Variants in DOCK9 observed in about 807,000 individuals in gnomAD.
The protein encoded by DOCK9 is dedicator of cytokinesis 9, also known as dedicator of cytokinesis protein 9.
DOCK9 carries 89 observed loss-of-function variants against 263.3 expected under a neutral mutation model. That is an observed-to-expected ratio of 0.34 (90% CI 0.28 to 0.40). DOCK9 has a LOEUF of 0.40. Ranked by LOEUF, DOCK9 falls within the 10% of genes least tolerant of loss-of-function variation. DOCK9 has a pLI of 1.00. For missense variants in DOCK9, 2,140 were observed against 2,603.4 expected (o/e 0.82, Z 3.87); for synonymous variants, 976 against 973.1 (o/e 1.00, Z -0.06).
chr13:98,801,412 T>C (rs10492577), intron 49 of DOCK9, among the ~76,000 whole-genome samples: 5,168 of 152,262 alleles, frequency 0.034, 286 homozygotes, highest in African/African-American at 0.12. Flanking sequence ...AATAAAGGTA[T>C]TTTGAAACTT....
rs748567026 is a variant in DOCK9, at chr13:98,903,085, C to T, written c.1063G>A (p.Glu355Lys). The T allele has an allele frequency of 7.2e-6, 11 of 1,523,678 alleles. 1 individual carries two copies. The South Asian group carries it at 1.4e-4, about 20-fold the overall frequency. The allele number at this position is 1,523,678 out of a possible 1,614,324, so 94.4% of individuals were successfully genotyped here. A position where few individuals can be genotyped will look rare whatever the true frequency, so the allele number is the denominator to read the frequency against. ...AACTTCTCTTCAAATGACTTCACTT[C>T]TGGCTCAGCTGATGAGAAGTCAAGC... ...QKLDFSSAEP[E>K]VKSFEEKFGK... Residue 355 changes from glutamate to lysine, a missense_variant, in exon 11 of 53, where the codon GAA becomes AAA. By Grantham distance (56) the Glu-to-Lys change is moderately conservative (BLOSUM62 1). Around this residue, in one of 2 missense-constraint regions of DOCK9, gnomAD observed 1,521 missense variants for 1,741.7 expected, o/e 0.87. Transcript: ENST00000682017.
At chr13:98,981,326 G>C (rs940135925), upstream of DOCK9, among the ~76,000 whole-genome samples, 5 of 152,034 alleles carry the variant, frequency 3.3e-5, no homozygotes, top group Non-Finnish European at 7.4e-5. Flanking sequence ...CAAAGTGTGG[G>C]GATTATAGAT....
Position 98,829,706 on chromosome 13 carries a change from TC to T in DOCK9, c.4685del (p.Gly1562GlufsTer30). ...QLIADVVGIG[G>X]TRFQQSLSII... ...TGGACAGGGACTGCTGGAATCTGGT[TC>T]CCCCAATGCCAACAACGTCTGCTAT... On this transcript the variant is annotated frameshift_variant, in exon 42 of 53. Transcript: ENST00000682017. LOFTEE classifies it high-confidence loss of function. The surrounding 1 kb of genome is among the most constrained non-coding windows in gnomAD (Gnocchi z 4.1). The T allele has an allele frequency of 6.2e-7, 1 of 1,610,818 alleles. No homozygotes were observed.
At chr13:98,840,600 T>G (rs2093175102) in intron 38 of DOCK9, among the ~76,000 whole-genome samples, 1 of 152,158 alleles carries the variant, frequency 6.6e-6, no homozygotes, top group African/African-American at 2.4e-5. Flanking sequence ...ATAGTTCAAA[T>G]GAATAATGCT....
At position 98,867,950 on chromosome 13, in the gene DOCK9, C is replaced by T. The variant is rs752837498; in HGVS notation, c.3152G>A (p.Cys1051Tyr). 2.8e-5 allele frequency: 45 copies of T among 1,613,484 alleles called. No homozygotes were observed. The highest frequency in any genetic ancestry group is 3.6e-5 in the Non-Finnish European group (43 of 1,179,812). Residue 1051 changes from cysteine (C) to tyrosine (Y), a missense_variant, in exon 29 of 53, where the codon TGT becomes TAT. Physicochemically the swap from Cys to Tyr is radical, Grantham distance 194. Around this residue, in one of 2 missense-constraint regions of DOCK9, gnomAD observed 1,521 missense variants for 1,741.7 expected, o/e 0.87. Transcript: ENST00000682017. ...VFKQINNYIS[C>Y]FAPGDPKTLF... ...TACCTTTGGGTCTCCAGGAGCAAAA[C>T]AGCTAATGTAGTTGTTGATCTGCTT...
At chr13:99,013,051 G>A in intron 1 of DOCK9, among the ~76,000 whole-genome samples, 1 of 152,128 alleles carries the variant, frequency 6.6e-6, no homozygotes, top group Non-Finnish European at 1.5e-5. Context: ...TGTTCTAGCT[G>A]TTAGGAGAAG....
chr13:98,824,791 TAAATC>T (rs1453494445), intron 44 of DOCK9, among the ~76,000 whole-genome samples: 2 of 152,166 alleles, frequency 1.3e-5, no homozygotes, highest in Admixed American at 1.3e-4. Flanking sequence ...AAATAGGTAT[TAAATC>T]AAAGTAATAG....
intron 45 of DOCK9, among the ~76,000 whole-genome samples, chr13:98,815,186 G>A (rs576957579): frequency 1.3e-5 from 2 of 152,018 alleles, no homozygotes; most frequent in Non-Finnish European, 1.5e-5. Context: ...CCAAAGCCTT[G>A]CATTTCTGGC....
intron 47 of DOCK9, chr13:98,808,795 G>A (rs546138577): frequency 2.6e-4 from 186 of 720,978 alleles, no homozygotes; most frequent in African/African-American, 1.1e-3. Flanking sequence ...TAAGGGACTC[G>A]AAGGTTAAAA....
intron 9 of DOCK9, among the ~76,000 whole-genome samples, chr13:98,910,072 C>A (rs1213920709): frequency 2.6e-5 from 4 of 152,154 alleles, no homozygotes; most frequent in African/African-American, 7.2e-5. Context: ...AATAAAAGCT[C>A]ACAAACAGAA....
intron 1 of DOCK9, among the ~76,000 whole-genome samples, chr13:99,041,114 G>A (rs1217462524): frequency 6.6e-6 from 1 of 152,180 alleles, no homozygotes; most frequent in Non-Finnish European, 1.5e-5. Flanking sequence ...AGAAGTTCAA[G>A]CAGGACAGTG....
In DOCK9 at chr13:98,840,853, C is replaced by T. The variant is rs374276081; in HGVS notation, c.4199-3244G>A. On this transcript the variant is annotated intron_variant, in intron 38 of 52. Coordinates refer to ENST00000682017, the MANE Select transcript of DOCK9 (RefSeq NM_001366683.2). ...TTCCCCTCTAGCCCATAACATGAATCCAGAAACACAGTAAGTCTTATGAGA... is the reference window on the plus strand; with the variant it reads ...TTCCCCTCTAGCCCATAACATGAATTCAGAAACACAGTAAGTCTTATGAGA... Among the ~76,000 whole-genome samples the T allele has an allele frequency of 1.4e-3, 218 of 152,262 alleles. 7 individuals are homozygous for T. In the South Asian group the frequency reaches 0.042, roughly 30 times the overall value.
chr13:98,903,176 G>A, intron 10 of DOCK9, 64 bp from the exon 11 acceptor site: 1 of 1,250,096 alleles, frequency 8.0e-7, no homozygotes, highest in East Asian at 2.7e-5. Flanking sequence ...CATCATAAAT[G>A]CATCCAAAGG....
At chr13:98,855,527 G>A (rs748057014) in intron 34 of DOCK9, among the ~76,000 whole-genome samples, 5 of 152,066 alleles carry the variant, frequency 3.3e-5, no homozygotes, top group Non-Finnish European at 7.4e-5. Flanking sequence ...AATTGAGATC[G>A]TGCCGCTGTA....
chr13:98,955,597 A>G, intron 1 of DOCK9, 46 bp from the exon 2 acceptor site: 1 of 1,297,398 alleles, frequency 7.7e-7, no homozygotes, highest in Non-Finnish European at 1.1e-6. Context: ...CACAAATGCC[A>G]TTTCTTAAGA....
intron 1 of DOCK9, among the ~76,000 whole-genome samples, chr13:98,995,680 G>A (rs1880867056): frequency 6.6e-6 from 1 of 151,912 alleles, no homozygotes; most frequent in African/African-American, 2.4e-5. Context: ...AGTAGAGACG[G>A]GGTTTCAGCG....
At chr13:99,080,260 T>TAC (rs35014572) in intron 1 of DOCK9, among the ~76,000 whole-genome samples, 42,209 of 151,766 alleles carry the variant, frequency 0.28, 6,213 homozygotes, top group East Asian at 0.43. Context: ...CCTAAGTGCC[T>TAC]ACACACACAC....
At chr13:99,086,538 CACGCCCCAAG>C (rs1330631401) in exon 1 of DOCK9, 1 of 217,204 alleles carries the variant, frequency 4.6e-6, no homozygotes, top group African/African-American at 2.4e-5. Context: ...TGCACCGTGT[CACGCCCCAAG>C]GCGCCCCCCT....
At chr13:98,813,245 CAGCATGATATTGAATAGTCAGTAA>C (rs2091489317) in intron 45 of DOCK9, among the ~76,000 whole-genome samples, 1 of 152,166 alleles carries the variant, frequency 6.6e-6, no homozygotes, top group African/African-American at 2.4e-5. Context: ...CTAGAACCTC[CAGCATGATATTGAATAGTCAGTAA>C]AGCAGGTATT....
Sources: gnomAD v4.1 joint callset for allele counts (sites outside exome capture counted in the v4.1 genomes callset) on GRCh38, gnomAD v4.1.1 for gene constraint, gnomAD v4.1.1 regional missense constraint, Gnocchi (gnomAD v3.1) non-coding constraint, MANE v1.5 for transcripts, NCBI Gene and HGNC (gene_info 2026-07-23, HGNC 2026-07-21) for gene names.